Variants in HDAC9 observed in about 807,000 individuals in gnomAD.
HDAC9 encodes histone deacetylase 9.
HDAC9 carries 41 observed loss-of-function variants against 139.4 expected under a neutral mutation model. That is an observed-to-expected ratio of 0.29 (90% CI 0.23 to 0.38). The LOEUF (loss-of-function observed/expected upper bound fraction) is 0.38, where lower values mean the gene tolerates loss of function less well. HDAC9 is among the 10% of genes least tolerant of loss of function. The pLI is 1.00. For missense variants in HDAC9, 1,147 were observed against 1,297.0 expected (o/e 0.88, Z 1.78); for synonymous variants, 517 against 476.2 (o/e 1.09, Z -1.12).
chr7:18,752,798 C>T (rs540983049), intron 14 of HDAC9, among the ~76,000 whole-genome samples: 8 of 152,218 alleles, frequency 5.3e-5, no homozygotes, highest in African/African-American at 1.9e-4. Context: ...CGTCTGCCGT[C>T]TTTGGGAACT....
At chr7:18,137,390 A>G (rs1260242267) in intron 1 of HDAC9, among the ~76,000 whole-genome samples, 2 of 150,958 alleles carry the variant, frequency 1.3e-5, no homozygotes, top group Middle Eastern at 3.2e-3. Flanking sequence ...GCCAGTTTTC[A>G]AAGGGAATGC....
intron 2 of HDAC9, among the ~76,000 whole-genome samples, chr7:18,538,875 C>G (rs1419819947): frequency 6.6e-6 from 1 of 152,058 alleles, no homozygotes; most frequent in Admixed American, 6.5e-5. Context: ...TCTTACAGTT[C>G]AGGAGGATAG....
intron 22 of HDAC9, among the ~76,000 whole-genome samples, chr7:18,895,027 C>T (rs778321334): frequency 6.6e-6 from 1 of 152,014 alleles, no homozygotes; most frequent in Admixed American, 6.6e-5. Context: ...TGGGCAAGAA[C>T]ATTTTGGAGG....
intron 2 of HDAC9, among the ~76,000 whole-genome samples, chr7:18,520,603 G>A (rs947795410): frequency 6.6e-6 from 1 of 152,114 alleles, no homozygotes; most frequent in Non-Finnish European, 1.5e-5. Context: ...TTTTCGAATT[G>A]ATGTAATGAA....
intron 14 of HDAC9, among the ~76,000 whole-genome samples, chr7:18,757,813 A>C (rs1789016494): frequency 6.6e-6 from 1 of 152,072 alleles, no homozygotes; most frequent in Non-Finnish European, 1.5e-5. Flanking sequence ...TGTTCAGAAC[A>C]TTTCTTCTAT....
chr7:18,934,301 C>A (rs1781471421), intron 22 of HDAC9, among the ~76,000 whole-genome samples: 1 of 151,218 alleles, frequency 6.6e-6, no homozygotes, highest in African/African-American at 2.4e-5. Context: ...ACAGAGGGTC[C>A]CAACCACATC....
intron 1 of HDAC9, among the ~76,000 whole-genome samples, chr7:18,160,013 T>C (rs1787512382): frequency 6.6e-6 from 1 of 152,174 alleles, no homozygotes; most frequent in Non-Finnish European, 1.5e-5. Context: ...CAAATCAGCA[T>C]GTCATGGAGA....
chr7:18,602,326 T>C (rs1317084801), intron 6 of HDAC9, among the ~76,000 whole-genome samples: 1 of 152,076 alleles, frequency 6.6e-6, no homozygotes, highest in Non-Finnish European at 1.5e-5. Flanking sequence ...ATATTAGTTA[T>C]TAGTTTCTTC....
At chr7:18,547,857 TACCCTCCC>T (rs1269473573) in intron 2 of HDAC9, among the ~76,000 whole-genome samples, 1 of 118,458 alleles carries the variant, frequency 8.4e-6, no homozygotes, top group Non-Finnish European at 1.7e-5. Flanking sequence ...CCTTCCTTCC[TACCCTCCC>T]TCCCTCCCTC....
At chr7:18,990,881 C>A (rs1785859305) in intron 25 of HDAC9, among the ~76,000 whole-genome samples, 1 of 152,250 alleles carries the variant, frequency 6.6e-6, no homozygotes, top group Non-Finnish European at 1.5e-5. Context: ...CCAAGTGAGG[C>A]AATGTCTCGC....
rs562671074 is a variant in HDAC9 at position 18,642,532 on chromosome 7, A to G, written c.913-2139A>G. Among the ~76,000 whole-genome samples, 12 of 152,230 alleles carry G rather than the reference A, an allele frequency of 7.9e-5. No individual in the cohort carries two copies. The East Asian group carries it at 1.6e-3, about 20-fold the overall frequency. ...CAGTTTCCTCATCGACAGCATGAGC[A>G]TAATGGTAGCTTGAGAGTGCCTGTG... is the stretch of plus-strand genomic sequence containing the variant. On this transcript the variant is annotated intron_variant, in intron 8 of 25. Coordinates refer to ENST00000686413, the MANE Select transcript of HDAC9 (RefSeq NM_178425.4).
chr7:18,174,012 A>C (rs1788673519), intron 2 of HDAC9, among the ~76,000 whole-genome samples: 1 of 152,274 alleles, frequency 6.6e-6, no homozygotes, highest in East Asian at 1.9e-4. Context: ...AGTTTGGGGA[A>C]GTTCTCCTCG....
At chr7:18,926,425 C>G (rs146299434) in intron 22 of HDAC9, among the ~76,000 whole-genome samples, 168 of 152,128 alleles carry the variant, frequency 1.1e-3, no homozygotes, top group Middle Eastern at 0.01. Context: ...TTGCAGTTGG[C>G]CTTTAATGAT....
At chr7:18,442,312 T>G (rs939221952) in intron 1 of HDAC9, among the ~76,000 whole-genome samples, 1 of 152,202 alleles carries the variant, frequency 6.6e-6, no homozygotes, top group Non-Finnish European at 1.5e-5. Context: ...TCCATTCATC[T>G]CTCTTACAAG....
At chr7:18,927,713 T>C (rs1271650517) in intron 22 of HDAC9, among the ~76,000 whole-genome samples, 1 of 152,158 alleles carries the variant, frequency 6.6e-6, no homozygotes. Context: ...ATGAGTAAAT[T>C]GGTAGTGAGA....
chr7:18,765,511 C>T (rs1789756529), intron 15 of HDAC9, among the ~76,000 whole-genome samples: 2 of 151,838 alleles, frequency 1.3e-5, no homozygotes, highest in South Asian at 2.1e-4. Flanking sequence ...TCCCAACTGA[C>T]GGGAGGCTGA....
chr7:18,831,629 C>T (rs1295616166), intron 19 of HDAC9, among the ~76,000 whole-genome samples: 1 of 152,154 alleles, frequency 6.6e-6, no homozygotes, highest in Non-Finnish European at 1.5e-5. Flanking sequence ...TTCAAGTCTT[C>T]CAAATTCTGC....
At chr7:18,577,949 C>T (rs977895525) in intron 2 of HDAC9, among the ~76,000 whole-genome samples, 1 of 152,014 alleles carries the variant, frequency 6.6e-6, no homozygotes, top group African/African-American at 2.4e-5. Context: ...AATTTAAAAA[C>T]CTTGGCAGCT....
intron 1 of HDAC9, among the ~76,000 whole-genome samples, chr7:18,102,085 CCT>C (rs529062062): frequency 5.9e-5 from 9 of 152,154 alleles, no homozygotes; most frequent in East Asian, 3.9e-4. Flanking sequence ...TATTTTTAAT[CCT>C]CTCTCATATT....
Sources: gnomAD v4.1 joint callset for allele counts (sites outside exome capture counted in the v4.1 genomes callset) on GRCh38, gnomAD v4.1.1 for gene constraint, MANE v1.5 for transcripts, NCBI Gene and HGNC (gene_info 2026-07-23, HGNC 2026-07-21) for gene names.